PCCA: variants seen among roughly 807,000 people sequenced by gnomAD.
PCCA encodes the protein propionyl-CoA carboxylase subunit alpha.
A neutral mutation model predicts 101.3 loss-of-function variants in PCCA; 74 were observed. The observed-to-expected ratio is 0.73, with a 90% confidence interval of 0.61 to 0.89. The LOEUF (loss-of-function observed/expected upper bound fraction) is 0.89. Ranked by LOEUF, PCCA falls within the 40% of genes least tolerant of loss-of-function variation. The pLI is 0.00. For synonymous variants in PCCA, 294 were observed against 313.6 expected, an observed-to-expected ratio of 0.94 and a Z score of 0.66; for missense variants, 891 against 907.0, an observed-to-expected ratio of 0.98 and a Z score of 0.23.
At chr13:100,344,520 G>A (rs1020969883) in intron 18 of PCCA, among the ~76,000 whole-genome samples, 1 of 152,152 alleles carries the variant, frequency 6.6e-6, no homozygotes, top group African/African-American at 2.4e-5. Context: ...GTACTCATTA[G>A]TTCCATGATT....
chr13:100,165,192 A>C (rs2054902262), intron 6 of PCCA, among the ~76,000 whole-genome samples: 1 of 152,162 alleles, frequency 6.6e-6, no homozygotes, highest in Admixed American at 6.5e-5. Flanking sequence ...TATAGCTAGG[A>C]GAGGAATTGC....
chr13:100,372,684 A>G (rs968287560), intron 19 of PCCA, among the ~76,000 whole-genome samples: 1 of 152,142 alleles, frequency 6.6e-6, no homozygotes, highest in Non-Finnish European at 1.5e-5. Context: ...ACAGAGTGAG[A>G]AGGCAACCCA....
intron 8 of PCCA, among the ~76,000 whole-genome samples, chr13:100,244,824 T>TATA (rs1344053222): frequency 2.6e-5 from 4 of 152,150 alleles, no homozygotes; most frequent in African/African-American, 9.7e-5. Flanking sequence ...TTGTTTAGTG[T>TATA]ATAATACATC....
chr13:100,524,626 C>T (rs983797139), intron 22 of PCCA, among the ~76,000 whole-genome samples: 1 of 152,146 alleles, frequency 6.6e-6, no homozygotes, highest in African/African-American at 2.4e-5. Flanking sequence ...AACCCCAGCA[C>T]TTTGGGAGGC....
intron 8 of PCCA, among the ~76,000 whole-genome samples, chr13:100,256,746 TC>T (rs2062101086): frequency 6.6e-6 from 1 of 152,158 alleles, no homozygotes; most frequent in African/African-American, 2.4e-5. Flanking sequence ...AGCTCTTTTT[TC>T]TTCAGAAAAG....
At chr13:100,261,984 A>G (rs1488238558) in intron 9 of PCCA, among the ~76,000 whole-genome samples, 1 of 152,140 alleles carries the variant, frequency 6.6e-6, no homozygotes, top group Non-Finnish European at 1.5e-5. Context: ...TTTTCTTTGC[A>G]TCTTCTGACT....
rs140011123 is a variant in PCCA at position 100,340,162 on chromosome 13, A to G, written c.1546A>G (p.Met516Val). The change falls in exon 18 of 24, where the codon ATG becomes GTG. Residue 516 changes from methionine to valine, a missense_variant. Physicochemically the swap from Met to Val is conservative, Grantham distance 21. Transcript: ENST00000376285. Reference protein sequence around the residue: ...DVYPDGFKGHMLTKSEKNQLL... With the variant: ...DVYPDGFKGHVLTKSEKNQLL... ...GGTTGATTGATTTCCCTCAGGACAC[A>G]TGCTAACCAAGAGTGAGAAGAACCA... 57 of 1,569,582 alleles carry G rather than the reference A, an allele frequency of 3.6e-5. No individual in the cohort carries two copies. Among genetic ancestry groups the G allele is most frequent in the Non-Finnish European group, 4.7e-5 (54 of 1,139,398 alleles).
intron 16 of PCCA, among the ~76,000 whole-genome samples, chr13:100,318,850 A>G (rs1470853317): frequency 6.6e-6 from 1 of 152,234 alleles, no homozygotes; most frequent in Non-Finnish European, 1.5e-5. Flanking sequence ...ATATATACCC[A>G]GTAATGAGAT....
chr13:100,327,015 C>G (rs1052497415), intron 16 of PCCA, among the ~76,000 whole-genome samples: 3 of 152,002 alleles, frequency 2.0e-5, no homozygotes, highest in African/African-American at 7.3e-5. Context: ...TCATTGTGTA[C>G]TAGGCTCAAT....
rs147560453 is a variant in PCCA at position 100,379,940 on chromosome 13, C to A, written c.1746+11366C>A. ...GATGCAACACAATTCCTGCCGAAGT[C>A]CAAGCTGTATTTTTATCAGAAATTG... On this transcript the variant is annotated intron_variant, in intron 19 of 23. Transcript: ENST00000376285. Among the ~76,000 whole-genome samples the A allele has an allele frequency of 3.1e-4, 47 of 152,162 alleles. No individual in the cohort carries two copies. In the South Asian group the frequency reaches 6.7e-3, roughly 22 times the overall value.
intron 6 of PCCA, among the ~76,000 whole-genome samples, chr13:100,206,139 C>T (rs2058837225): frequency 6.6e-6 from 1 of 152,112 alleles, no homozygotes; most frequent in African/African-American, 2.4e-5. Context: ...ACTTTATAAG[C>T]ACCTCTTAGG....
At chr13:100,522,383 C>T (rs982503196) in intron 22 of PCCA, among the ~76,000 whole-genome samples, 2 of 152,184 alleles carry the variant, frequency 1.3e-5, no homozygotes, top group Non-Finnish European at 2.9e-5. Flanking sequence ...CCATCAGGAG[C>T]TAATTTTTTA....
intron 7 of PCCA, among the ~76,000 whole-genome samples, chr13:100,219,673 C>T (rs908456549): frequency 5.9e-5 from 9 of 152,186 alleles, no homozygotes; most frequent in Non-Finnish European, 8.8e-5. Flanking sequence ...CTTGTTTCTC[C>T]GCTAATAATT....
chr13:100,094,784 C>T (rs2046616779), intron 1 of PCCA, among the ~76,000 whole-genome samples: 1 of 152,156 alleles, frequency 6.6e-6, no homozygotes, highest in South Asian at 2.1e-4. Context: ...GACGGGGTTT[C>T]ACCATGTCGG....
intron 19 of PCCA, among the ~76,000 whole-genome samples, chr13:100,369,495 A>C (rs1167033418): frequency 6.6e-6 from 1 of 152,182 alleles, no homozygotes; most frequent in Non-Finnish European, 1.5e-5. Flanking sequence ...TCATTCCACA[A>C]ATAATTGTTG....
chr13:100,489,209 G>A (rs2084685234), intron 21 of PCCA, among the ~76,000 whole-genome samples: 1 of 152,162 alleles, frequency 6.6e-6, no homozygotes. Flanking sequence ...TCGGGAGGCT[G>A]AGGCAGGAGA....
chr13:100,102,828 A>G, intron 1 of PCCA, 55 bp from the exon 2 acceptor site: 1 of 1,170,120 alleles, frequency 8.5e-7, no homozygotes, highest in Non-Finnish European at 1.3e-6. Flanking sequence ...TCCTGAAAAA[A>G]TGTTCTAAAG....
intron 21 of PCCA, among the ~76,000 whole-genome samples, chr13:100,494,062 G>A (rs542808937): frequency 1.5e-4 from 23 of 152,092 alleles, no homozygotes; most frequent in Non-Finnish European, 2.4e-4. Flanking sequence ...GGTGGTGCAC[G>A]CCTGTAATCC....
intron 20 of PCCA, among the ~76,000 whole-genome samples, chr13:100,428,353 C>T (rs1303392821): frequency 4.9e-5 from 7 of 141,654 alleles, no homozygotes; most frequent in African/African-American, 1.6e-4. Context: ...CCCACCCCCA[C>T]CCCCCCCACA....
Sources: allele counts gnomAD v4.1 joint callset (sites outside exome capture counted in the v4.1 genomes callset), GRCh38; gene constraint gnomAD v4.1.1; transcripts MANE v1.5; gene names NCBI Gene and HGNC (gene_info 2026-07-23, HGNC 2026-07-21).